The following SCLT1 variants were observed in gnomAD, a reference collection of about 807,000 sequenced individuals.
The protein encoded by SCLT1 is sodium channel and clathrin linker 1, also known as sodium channel-associated protein 1.
A neutral mutation model predicts 112.8 loss-of-function variants in SCLT1; 78 were observed. The observed-to-expected ratio is 0.69, with a 90% CI of 0.58 to 0.83. SCLT1 has a LOEUF of 0.83. Among genes scored for constraint, SCLT1 ranks in the 40% least tolerant of loss-of-function variants. SCLT1 has a pLI of 0.00. For missense variants in SCLT1, 747 were observed against 770.4 expected, an observed-to-expected ratio of 0.97 and a Z score of 0.36; for synonymous variants, 257 against 254.7, an observed-to-expected ratio of 1.01 and a Z score of -0.09.
intron 2 of SCLT1, among the ~76,000 whole-genome samples, chr4:129,070,168 T>C (rs1315218731): frequency 1.3e-5 from 2 of 152,340 alleles, no homozygotes; most frequent in East Asian, 3.9e-4. Flanking sequence ...TAGTATTTTG[T>C]TAAGGATTTT....
intron 2 of SCLT1, among the ~76,000 whole-genome samples, chr4:129,053,680 G>A (rs796638642): frequency 8.1e-5 from 12 of 148,604 alleles, no homozygotes; most frequent in African/African-American, 1.5e-4. Flanking sequence ...TGAAGACAGC[G>A]GACTGATGGG....
chr4:129,064,402 C>G (rs987125951), intron 2 of SCLT1, among the ~76,000 whole-genome samples: 1 of 152,064 alleles, frequency 6.6e-6, no homozygotes, highest in East Asian at 1.9e-4. Flanking sequence ...TTTTCTAGCT[C>G]TAGATTCTGA....
rs1234233117 is a variant in SCLT1 at position 129,005,950 on chromosome 4, G to A, written c.291-2074C>T. Among the ~76,000 whole-genome samples the A allele has an allele frequency of 2.0e-5, 3 of 146,376 alleles. No individual in the cohort carries two copies. The Admixed American group carries it at 2.1e-4, about 10-fold the overall frequency. ...CAAACACCGCATATTCTCACTCACA[G>A]ATGGGAACTGAACAATGAGAACACA... On this transcript the variant is annotated intron_variant, in intron 5 of 20. Coordinates refer to ENST00000281142, the MANE Select transcript of SCLT1 (RefSeq NM_144643.4).
chr4:129,030,426 G>A (rs952625028), intron 5 of SCLT1, among the ~76,000 whole-genome samples: 1 of 151,908 alleles, frequency 6.6e-6, no homozygotes, highest in African/African-American at 2.4e-5. Flanking sequence ...GCAAACAAAT[G>A]GAAAAGCTAG....
At chr4:129,043,086 A>G (rs1747855027) in intron 4 of SCLT1, among the ~76,000 whole-genome samples, 1 of 149,178 alleles carries the variant, frequency 6.7e-6, no homozygotes, top group Non-Finnish European at 1.5e-5. Context: ...AAAAGAAAAG[A>G]AAAAAAAAAG....
intron 9 of SCLT1, chr4:128,971,176 A>G (rs1740660548): frequency 6.6e-6 from 1 of 152,088 alleles, no homozygotes; most frequent in Admixed American, 6.6e-5. Context: ...TGAGTATAAA[A>G]CCCTTTGATT....
chr4:129,022,317 C>T (rs1239617395), intron 5 of SCLT1, among the ~76,000 whole-genome samples: 4 of 152,044 alleles, frequency 2.6e-5, no homozygotes, highest in Admixed American at 1.3e-4. Context: ...CAGAAGTAGG[C>T]TTCAGAAGGT....
chr4:129,041,093 A>G (rs915793544), intron 4 of SCLT1, among the ~76,000 whole-genome samples: 7 of 152,216 alleles, frequency 4.6e-5, no homozygotes, highest in Admixed American at 4.6e-4. Context: ...CAAAGTACAT[A>G]ATATGTTATT....
intron 13 of SCLT1, among the ~76,000 whole-genome samples, chr4:128,954,919 TA>T (rs1739094752): frequency 6.6e-6 from 1 of 152,204 alleles, no homozygotes; most frequent in Non-Finnish European, 1.5e-5. Flanking sequence ...CTCTCTCACA[TA>T]ATTTCTAAAA....
At chr4:129,023,843 C>T (rs527422615) in intron 5 of SCLT1, among the ~76,000 whole-genome samples, 5 of 152,188 alleles carry the variant, frequency 3.3e-5, no homozygotes, top group Non-Finnish European at 7.3e-5. Flanking sequence ...CCTAATACTG[C>T]GCTTTTCCGA....
At chr4:129,020,958 G>GGTA (rs1745418211) in intron 5 of SCLT1, among the ~76,000 whole-genome samples, 1 of 152,120 alleles carries the variant, frequency 6.6e-6, no homozygotes, top group African/African-American at 2.4e-5. Context: ...AATAATTTCA[G>GGTA]GTAGTAAATA....
intron 5 of SCLT1, among the ~76,000 whole-genome samples, chr4:129,009,055 A>G (rs1040768687): frequency 7.9e-5 from 12 of 152,132 alleles, no homozygotes; most frequent in Admixed American, 7.9e-4. Context: ...TTCTTTATCC[A>G]GTCCACTGTT....
chr4:129,035,418 T>C (rs1747093240), intron 5 of SCLT1, among the ~76,000 whole-genome samples: 1 of 152,060 alleles, frequency 6.6e-6, no homozygotes. Context: ...AACCAATTCC[T>C]GGCAAAAAGA....
chr4:129,011,033 C>T lies in SCLT1; in HGVS notation c.291-7157G>A, dbSNP rs887544735. The stretch of plus-strand genomic sequence containing the variant: ...AGAATGTTTCCAGGTTTTGCACATT[C>T]CATATGATGCTGGCTGTGAGTTTTT... On this transcript the variant is annotated intron_variant, in intron 5 of 20. Coordinates refer to ENST00000281142, the MANE Select transcript of SCLT1 (RefSeq NM_144643.4). Among the ~76,000 whole-genome samples the T allele has an allele frequency of 2.0e-5, 3 of 152,252 alleles. No homozygotes were observed. In the South Asian group the frequency reaches 6.2e-4, roughly 32 times the overall value.
At chr4:129,069,257 GCT>G (rs1384114718) in intron 2 of SCLT1, among the ~76,000 whole-genome samples, 2 of 152,060 alleles carry the variant, frequency 1.3e-5, no homozygotes, top group Non-Finnish European at 2.9e-5. Context: ...GGCTATGCAG[GCT>G]CTCTTTTAGT....
chr4:128,972,345 T>A (rs1476756088), intron 9 of SCLT1: 1 of 151,704 alleles, frequency 6.6e-6, no homozygotes, highest in African/African-American at 2.4e-5. Flanking sequence ...ACTTGTTTCA[T>A]GGGATTGCTG....
chr4:129,073,705 T>C lies in SCLT1; in HGVS notation c.102+8601A>G, dbSNP rs147775940. On this transcript the variant is annotated intron_variant, in intron 2 of 20. Transcript: ENST00000281142. The stretch of plus-strand genomic sequence containing the variant: ...AGACCAATGAATAAATGAATTTCTT[T>C]CAGATTATTCAGAAAGTCATTCTTT... Among the ~76,000 whole-genome samples, 56 of 152,306 alleles carry C rather than the reference T, an allele frequency of 3.7e-4. 1 individual carries two copies. Among genetic ancestry groups the C allele is most frequent in the African/African-American group, 1.3e-3 (53 of 41,578 alleles).
At chr4:129,005,844 T>C (rs913960646) in intron 5 of SCLT1, among the ~76,000 whole-genome samples, 1 of 150,802 alleles carries the variant, frequency 6.6e-6, no homozygotes. Flanking sequence ...CCATAAAAAA[T>C]GATGAGTTCA....
intron 11 of SCLT1, among the ~76,000 whole-genome samples, chr4:128,963,242 T>C (rs970120189): frequency 6.6e-6 from 1 of 152,218 alleles, no homozygotes; most frequent in Non-Finnish European, 1.5e-5. Context: ...TTTAAGTTTT[T>C]ACTTATTTTT....
Sources: allele counts gnomAD v4.1 joint callset (sites outside exome capture counted in the v4.1 genomes callset), GRCh38; gene constraint gnomAD v4.1.1; transcripts MANE v1.5; gene names NCBI Gene and HGNC (gene_info 2026-07-23, HGNC 2026-07-21).